The following IL1RAPL1 variants were observed in gnomAD, a reference collection of about 807,000 sequenced individuals.
The protein encoded by IL1RAPL1 is interleukin-1 receptor accessory protein-like 1.
In IL1RAPL1, 3 loss-of-function variants were observed where a neutral mutation model predicts 48.4. The observed-to-expected ratio is 0.06, with a 90% CI of 0.03 to 0.16. The LOEUF is 0.16. Ranked by LOEUF, IL1RAPL1 falls within the 10% of genes least tolerant of loss-of-function variation. The pLI is 1.00. For missense variants in IL1RAPL1, 349 were observed against 530.6 expected (o/e 0.66, Z 3.36); for synonymous variants, 185 against 187.7 (o/e 0.99, Z 0.12).
chrX:29,303,286 G>A (rs1932566127), intron 3 of IL1RAPL1, among the ~76,000 whole-genome samples: 1 of 111,759 alleles, frequency 8.9e-6, no homozygotes. Flanking sequence ...AAGTTTGGGA[G>A]TGCTACTAGG....
At chrX:29,190,438 A>T (rs187799735) in intron 2 of IL1RAPL1, among the ~76,000 whole-genome samples, 19 of 112,261 alleles carry the variant, frequency 1.7e-4, no homozygotes, top group African/African-American at 6.1e-4. Flanking sequence ...CTGCAGAGGG[A>T]TTCTACTGAT....
intron 5 of IL1RAPL1, among the ~76,000 whole-genome samples, chrX:29,417,386 G>C (rs1310044220): frequency 9.0e-6 from 1 of 111,477 alleles, no homozygotes. Flanking sequence ...CATTATATTA[G>C]CATCTCTTGT....
rs545764337 is a variant in IL1RAPL1, at chrX:29,139,288, G to C, written c.83-143650G>C. ...AGTCAGGAGGGAAGAATGGCAGTTT[G>C]GAAGGTAAGGCAAGAAGAATAATCT... On this transcript the variant is annotated intron_variant, in intron 2 of 10. Coordinates refer to ENST00000378993, the MANE Select transcript of IL1RAPL1 (RefSeq NM_014271.4). 3.5e-4 allele frequency among the ~76,000 whole-genome samples: 39 copies of C among 110,905 alleles called. No homozygotes were observed. The South Asian group carries it at 0.014, about 41-fold the overall frequency.
At chrX:28,727,520 C>A (rs1433930204) in intron 1 of IL1RAPL1, among the ~76,000 whole-genome samples, 2 of 106,209 alleles carry the variant, frequency 1.9e-5, no homozygotes, top group East Asian at 6.0e-4. Context: ...ATTGAATACC[C>A]TTTATTTCCT....
chrX:29,056,193 A>G (rs1295996046), intron 2 of IL1RAPL1, among the ~76,000 whole-genome samples: 1 of 111,711 alleles, frequency 9.0e-6, no homozygotes, highest in Non-Finnish European at 1.9e-5. Flanking sequence ...TGAACTCATT[A>G]GACATAGAAT....
At chrX:29,228,354 TGTGTGTGTGTGTGTGTGTGA>T (rs1931127130) in intron 2 of IL1RAPL1, among the ~76,000 whole-genome samples, 1 of 102,818 alleles carries the variant, frequency 9.7e-6, no homozygotes, top group African/African-American at 3.6e-5. Context: ...TGTGTGTGTG[TGTGTGTGTGTGTGTGTGTGA>T]GACAGAGTCT....
At chrX:29,111,925 CTTTTTTT>C (rs34885583) in intron 2 of IL1RAPL1, among the ~76,000 whole-genome samples, 680 of 59,753 alleles carry the variant, frequency 0.011, 7 homozygotes, top group African/African-American at 0.039. Flanking sequence ...TTTCACTTTT[CTTTTTTT>C]TTTTTTTTTT....
At chrX:28,962,866 TTGTGTGTC>T (rs1427551943) in intron 2 of IL1RAPL1, among the ~76,000 whole-genome samples, 1 of 98,701 alleles carries the variant, frequency 1.0e-5, no homozygotes, top group Non-Finnish European at 2.0e-5. Flanking sequence ...TGAGAGATGA[TTGTGTGTC>T]TGTGTGTATG....
chrX:28,757,060 A>G (rs1277763726), intron 1 of IL1RAPL1, among the ~76,000 whole-genome samples: 2 of 112,618 alleles, frequency 1.8e-5, no homozygotes, highest in Non-Finnish European at 3.8e-5. Flanking sequence ...CTTGGCCTTT[A>G]CTAATGTTGC....
At chrX:29,234,030 C>G (rs926869905) in intron 2 of IL1RAPL1, among the ~76,000 whole-genome samples, 1 of 111,516 alleles carries the variant, frequency 9.0e-6, no homozygotes, top group Non-Finnish European at 1.9e-5. Flanking sequence ...ATGAATGCTG[C>G]CAACAACCAC....
intron 2 of IL1RAPL1, among the ~76,000 whole-genome samples, chrX:28,985,905 T>C (rs968991920): frequency 3.6e-5 from 4 of 111,458 alleles, no homozygotes; most frequent in Admixed American, 9.5e-5. Context: ...GTGATCCGCC[T>C]GCCTCGGCCT....
chrX:29,217,777 T>TCA (rs750727005), intron 2 of IL1RAPL1, among the ~76,000 whole-genome samples: 196 of 60,626 alleles, frequency 3.2e-3, no homozygotes, highest in South Asian at 0.017. Flanking sequence ...TCTCTCTCTC[T>TCA]CACACACACA....
At chrX:29,696,266 TG>T (rs1926909781) in intron 6 of IL1RAPL1, among the ~76,000 whole-genome samples, 1 of 111,621 alleles carries the variant, frequency 9.0e-6, no homozygotes, top group Admixed American at 9.5e-5. Flanking sequence ...AAACCCAGGT[TG>T]GGAAACCACA....
At chrX:28,851,568 C>G (rs772333533) in intron 2 of IL1RAPL1, among the ~76,000 whole-genome samples, 1 of 111,720 alleles carries the variant, frequency 9.0e-6, no homozygotes. Flanking sequence ...ATAATGTCAA[C>G]TTTAAATCTG....
At chrX:29,829,042 C>A (rs915489425) in intron 6 of IL1RAPL1, among the ~76,000 whole-genome samples, 2 of 110,491 alleles carry the variant, frequency 1.8e-5, no homozygotes, top group African/African-American at 6.6e-5. Context: ...ACTTCCAAAG[C>A]TGCTTCAGGA....
Position 29,105,853 on chromosome X carries a change from C to T in IL1RAPL1, c.83-177085C>T, listed in dbSNP as rs187272281. 1.4e-3 allele frequency among the ~76,000 whole-genome samples: 160 copies of T among 111,928 alleles called. 1 individual carries two copies. The highest frequency in any genetic ancestry group is 5.0e-3 in the African/African-American group (153 of 30,825). ...TTTCATCCAGAAAGCCATCAATGGG[C>T]TGTACCTGCTGCAGGGGGATCTTTC... On this transcript the variant is annotated intron_variant, in intron 2 of 10. Coordinates refer to ENST00000378993, the MANE Select transcript of IL1RAPL1 (RefSeq NM_014271.4).
At chrX:29,416,271 G>A (rs1371378764) in intron 5 of IL1RAPL1, among the ~76,000 whole-genome samples, 1 of 111,404 alleles carries the variant, frequency 9.0e-6, no homozygotes, top group Non-Finnish European at 1.9e-5. Flanking sequence ...TGGGCTGGGC[G>A]CATTGGCTCA....
At chrX:29,921,687 A>G (rs1932849209) in intron 8 of IL1RAPL1, among the ~76,000 whole-genome samples, 1 of 112,288 alleles carries the variant, frequency 8.9e-6, no homozygotes, top group Non-Finnish European at 1.9e-5. Context: ...GAAGTGATCT[A>G]TCAGCTTATA....
chrX:29,685,089 A>G (rs1416463066), intron 6 of IL1RAPL1, among the ~76,000 whole-genome samples: 2 of 112,715 alleles, frequency 1.8e-5, no homozygotes, highest in Non-Finnish European at 3.7e-5. Context: ...GTAAATATCC[A>G]TTTAGAAAAC....
Sources: gnomAD v4.1 joint callset for allele counts (sites outside exome capture counted in the v4.1 genomes callset) on GRCh38, gnomAD v4.1.1 for gene constraint, MANE v1.5 for transcripts, NCBI Gene and HGNC (gene_info 2026-07-23, HGNC 2026-07-21) for gene names.